ALDH1A2: variants seen among roughly 807,000 people sequenced by gnomAD.
ALDH1A2 encodes the protein retinal dehydrogenase 2.
A neutral mutation model predicts 60.3 loss-of-function variants in ALDH1A2; 27 were observed. The ratio of observed to expected loss-of-function variants is 0.45; its 90% CI spans 0.33 to 0.62. The LOEUF is 0.62. ALDH1A2 is among the 20% of genes least tolerant of loss of function. The pLI, the probability that ALDH1A2 is intolerant of heterozygous loss-of-function variation, is 0.02. For synonymous variants in ALDH1A2, 289 were observed against 232.4 expected (o/e 1.24, Z -2.21); for missense variants, 581 against 643.8 (o/e 0.90, Z 1.06).
intron 7 of ALDH1A2, chr15:57,980,305 A>G: frequency 4.9e-6 from 2 of 410,090 alleles, no homozygotes. Flanking sequence ...TCATGTTCCC[A>G]CTCTCAAACA....
intron 12 of ALDH1A2, 131 bp from the exon 13 acceptor site, chr15:57,955,400 C>T: frequency 2.2e-6 from 2 of 901,616 alleles, no homozygotes; most frequent in East Asian, 2.5e-5. Flanking sequence ...TGTAAAAATT[C>T]CTCACGTATG....
chr15:58,030,624 T>A (rs991734982), intron 1 of ALDH1A2, among the ~76,000 whole-genome samples: 1 of 152,134 alleles, frequency 6.6e-6, no homozygotes, highest in Middle Eastern at 3.2e-3. Context: ...GTGACATGAT[T>A]GTATATTTCG....
chr15:57,960,667 A>C (rs1893687802), intron 12 of ALDH1A2, 103 bp downstream of exon 12: 2 of 964,416 alleles, frequency 2.1e-6, no homozygotes, highest in Non-Finnish European at 1.6e-6. Flanking sequence ...TGTTTGTTGA[A>C]TGTATGGATG....
intron 1 of ALDH1A2, among the ~76,000 whole-genome samples, chr15:58,058,333 G>A (rs1006360441): frequency 4.0e-5 from 6 of 151,778 alleles, no homozygotes; most frequent in Non-Finnish European, 8.8e-5. Flanking sequence ...AATAATTAGT[G>A]GGTTTCCTAA....
At chr15:57,985,669 A>G (rs1177592341) in intron 7 of ALDH1A2, among the ~76,000 whole-genome samples, 3 of 152,190 alleles carry the variant, frequency 2.0e-5, no homozygotes, top group African/African-American at 4.8e-5. Context: ...TTCCTCCTTC[A>G]TGTAGCAACA....
intron 1 of ALDH1A2, among the ~76,000 whole-genome samples, chr15:58,034,277 CAGT>C (rs1356476860): frequency 3.3e-5 from 5 of 151,542 alleles, no homozygotes; most frequent in African/African-American, 9.7e-5. Context: ...TGTTCATCAC[CAGT>C]ATATAAGAAA....
chr15:57,972,688 G>GAGA (rs748643820), intron 7 of ALDH1A2, among the ~76,000 whole-genome samples: 1 of 152,174 alleles, frequency 6.6e-6, no homozygotes, highest in African/African-American at 2.4e-5. Context: ...TTTTTAAAAA[G>GAGA]AGAAGTTTTA....
At position 58,033,437 on chromosome 15, in the gene ALDH1A2, C is replaced by T. The variant is rs116751648; in HGVS notation, c.118-19156G>A. ...CTGCCTTCTATTGGTTTGGAAGTTG[C>T]ACACTGTATTTTTTTGTTTATTCAT... On this transcript the variant is annotated intron_variant, in intron 1 of 12. Coordinates refer to ENST00000249750, the MANE Select transcript of ALDH1A2 (RefSeq NM_003888.4). Among the ~76,000 whole-genome samples, 731 of 151,868 alleles carry T rather than the reference C, an allele frequency of 4.8e-3. 9 individuals are homozygous for T. The highest frequency in any genetic ancestry group is 0.017 in the African/African-American group (697 of 41,452).
intron 4 of ALDH1A2, among the ~76,000 whole-genome samples, chr15:57,995,432 GA>G (rs780939092): frequency 1.3e-5 from 2 of 151,806 alleles, no homozygotes; most frequent in Non-Finnish European, 2.9e-5. Context: ...GGGGACAGCT[GA>G]AAAATATGTA....
chr15:58,003,615 A>G (rs997331691), intron 4 of ALDH1A2, among the ~76,000 whole-genome samples: 33 of 151,888 alleles, frequency 2.2e-4, no homozygotes, highest in African/African-American at 7.7e-4. Context: ...CTTGCTACAG[A>G]GAAAAATCTA....
intron 1 of ALDH1A2, among the ~76,000 whole-genome samples, chr15:58,030,258 C>A (rs146227247): frequency 1.5e-3 from 223 of 152,226 alleles, no homozygotes; most frequent in African/African-American, 5.1e-3. Flanking sequence ...TAAATATAAT[C>A]CATCGCATAA....
At chr15:58,008,420 A>G (rs1895528035) in intron 4 of ALDH1A2, among the ~76,000 whole-genome samples, 1 of 152,072 alleles carries the variant, frequency 6.6e-6, no homozygotes, top group Non-Finnish European at 1.5e-5. Context: ...TCCAAAACGC[A>G]TCAGATGAAA....
At chr15:58,037,688 C>T (rs1165101522) in intron 1 of ALDH1A2, among the ~76,000 whole-genome samples, 1 of 151,456 alleles carries the variant, frequency 6.6e-6, no homozygotes, top group Non-Finnish European at 1.5e-5. Context: ...AGCTAGTATC[C>T]CACATAATTC....
At position 58,010,826 on chromosome 15, in the gene ALDH1A2, C is replaced by A. The variant is rs369285715; in HGVS notation, c.364-48G>T. The A allele has an allele frequency of 8.7e-6, 14 of 1,606,256 alleles. No homozygotes were observed. The East Asian group carries it at 1.3e-4, about 15-fold the overall frequency. ...ATACTAAGTCCCCAGAACTTTCCAG[C>A]GATACACTAATTTCTAGAGCAGAAG... is the stretch of plus-strand genomic sequence containing the variant. On this transcript the variant is annotated intron_variant, in intron 3 of 12. Transcript: ENST00000249750.
intron 4 of ALDH1A2, among the ~76,000 whole-genome samples, chr15:58,004,594 G>T (rs894479191): frequency 6.6e-6 from 1 of 151,164 alleles, no homozygotes; most frequent in Non-Finnish European, 1.5e-5. Context: ...CTGTTTCTGG[G>T]TTATTTCACT....
At chr15:57,956,450 G>GC in intron 12 of ALDH1A2, among the ~76,000 whole-genome samples, 1 of 152,282 alleles carries the variant, frequency 6.6e-6, no homozygotes, top group Non-Finnish European at 1.5e-5. Flanking sequence ...CCTTTTAGGA[G>GC]CCCCCATGGC....
In ALDH1A2 at chr15:57,968,943, G is replaced by T. The variant is rs1380487469; in HGVS notation, c.799-3116C>A. Among the ~76,000 whole-genome samples, 5 of 152,194 alleles carry T rather than the reference G, an allele frequency of 3.3e-5. No individual in the cohort carries two copies. In the East Asian group the frequency reaches 9.6e-4, roughly 29 times the overall value. ...TAAGAATAATTTTCCTTGCATCAAT[G>T]CTTTACCAGCCTTTCCTTAGAAAAC... On this transcript the variant is annotated intron_variant, in intron 7 of 12. Transcript: ENST00000249750.
At chr15:58,009,413 C>G (rs1895558093) in intron 4 of ALDH1A2, among the ~76,000 whole-genome samples, 1 of 151,814 alleles carries the variant, frequency 6.6e-6, no homozygotes, top group Non-Finnish European at 1.5e-5. Context: ...ATCAGCCAAA[C>G]CACTCCCTTT....
chr15:57,972,331 T>C (rs1373640186), intron 7 of ALDH1A2, among the ~76,000 whole-genome samples: 1 of 152,224 alleles, frequency 6.6e-6, no homozygotes. Context: ...GACAGTTAAA[T>C]GCATCATCTA....
Sources: gnomAD v4.1 joint callset for allele counts (sites outside exome capture counted in the v4.1 genomes callset) on GRCh38, gnomAD v4.1.1 for gene constraint, MANE v1.5 for transcripts, NCBI Gene and HGNC (gene_info 2026-07-23, HGNC 2026-07-21) for gene names.